COL5A1: variants seen among roughly 807,000 people sequenced by gnomAD.
COL5A1 encodes collagen type V alpha 1 chain, also known as collagen alpha-1(V) chain.
In COL5A1, 16 loss-of-function variants were observed where a neutral mutation model predicts 263.7. The observed-to-expected ratio is 0.06, with a 90% CI of 0.04 to 0.09. The LOEUF is 0.09. Ranked by LOEUF, COL5A1 falls within the 10% of genes least tolerant of loss-of-function variation. The pLI, the probability that COL5A1 is intolerant of heterozygous loss-of-function variation, is 1.00. For missense variants in COL5A1, 2,036 were observed against 2,540.5 expected, an observed-to-expected ratio of 0.80 and a Z score of 4.27; for synonymous variants, 1,012 against 1,004.5, an observed-to-expected ratio of 1.01 and a Z score of -0.14.
At chr9:134,769,057 T>G (rs1836782982) in intron 25 of COL5A1, among the ~76,000 whole-genome samples, 2 of 152,226 alleles carry the variant, frequency 1.3e-5, no homozygotes, top group South Asian at 4.1e-4. Flanking sequence ...GTGAGCTGAT[T>G]TGCACCCACA....
At chr9:134,809,781 C>T (rs942119850) in intron 43 of COL5A1, among the ~76,000 whole-genome samples, 11 of 152,188 alleles carry the variant, frequency 7.2e-5, no homozygotes, top group African/African-American at 2.7e-4. Context: ...AGTGAAATTT[C>T]GCTGTGCTGT....
chr9:134,756,285 G>A (rs1185852198), intron 16 of COL5A1, among the ~76,000 whole-genome samples: 1 of 152,214 alleles, frequency 6.6e-6, no homozygotes, highest in East Asian at 1.9e-4. Context: ...CTCACTTGGG[G>A]CCTGGGCCTC....
intron 1 of COL5A1, among the ~76,000 whole-genome samples, chr9:134,687,095 C>T (rs1833104677): frequency 6.6e-6 from 1 of 152,152 alleles, no homozygotes; most frequent in East Asian, 1.9e-4. Flanking sequence ...GCCAATGCCG[C>T]CTGGTGCCCT....
At chr9:134,717,773 T>G (rs1489997183) in intron 4 of COL5A1, among the ~76,000 whole-genome samples, 1 of 152,208 alleles carries the variant, frequency 6.6e-6, no homozygotes, top group Admixed American at 6.5e-5. Context: ...CACGAAGTGC[T>G]CTGGCTAAAA....
At position 134,696,482 on chromosome 9, in the gene COL5A1, T is replaced by C. The variant is rs1158133067; in HGVS notation, c.278-3427T>C. 1.3e-5 allele frequency among the ~76,000 whole-genome samples: 2 copies of C among 152,052 alleles called. No individual in the cohort carries two copies. The highest frequency in any genetic ancestry group is 6.5e-5 in the Admixed American group (1 of 15,282). On this transcript the variant is annotated intron_variant, in intron 2 of 65. Coordinates refer to ENST00000371817, the MANE Select transcript of COL5A1 (RefSeq NM_000093.5). The surrounding 1 kb of genome is among the most constrained non-coding windows in gnomAD (Gnocchi z 4.3). Reference sequence around the variant, plus strand: ...ATGAACCACCTCGCCCAGCCTGCAATTATTTAACTAACTGGTTTGGTTTGA... The same window carrying C: ...ATGAACCACCTCGCCCAGCCTGCAACTATTTAACTAACTGGTTTGGTTTGA...
chr9:134,837,053 T>C (rs3128576), intron 65 of COL5A1, among the ~76,000 whole-genome samples: 111,915 of 152,174 alleles, frequency 0.74, 41,619 homozygotes, highest in African/African-American at 0.85. Flanking sequence ...CTGGGGAGCA[T>C]GTCAAACCAT....
At chr9:134,788,125 GATAC>G (rs1459884477) in intron 31 of COL5A1, among the ~76,000 whole-genome samples, 1 of 143,700 alleles carries the variant, frequency 7.0e-6, no homozygotes, top group Non-Finnish European at 1.5e-5. Flanking sequence ...AGGTGGGGTA[GATAC>G]ATAGATGGAT....
At chr9:134,759,393 A>G (rs1836140452) in intron 18 of COL5A1, among the ~76,000 whole-genome samples, 1 of 138,340 alleles carries the variant, frequency 7.2e-6, no homozygotes, top group Admixed American at 7.1e-5. Flanking sequence ...ATGCACACAT[A>G]CGCATACACA....
intron 6 of COL5A1, 109 bp from the exon 7 acceptor site, chr9:134,730,127 C>T (rs1834823528): frequency 6.6e-7 from 1 of 1,515,438 alleles, no homozygotes; most frequent in South Asian, 1.1e-5. Flanking sequence ...GGCCTGGGCT[C>T]CAGGCGTTGC....
At chr9:134,670,548 G>T (rs185572025) in intron 1 of COL5A1, among the ~76,000 whole-genome samples, 1 of 152,312 alleles carries the variant, frequency 6.6e-6, no homozygotes, top group Non-Finnish European at 1.5e-5. Flanking sequence ...TGGTGTGATT[G>T]TTTCCTGGGC....
rs539302076 is a variant in COL5A1 at position 134,725,106 on chromosome 9, G to A, written c.655-2160G>A. Among the ~76,000 whole-genome samples, 4 of 152,292 alleles carry A rather than the reference G, an allele frequency of 2.6e-5. No homozygotes were observed. The South Asian group carries it at 8.3e-4, about 32-fold the overall frequency. ...CCTGCGGCACCGTCTCTGGTGGCGG[G>A]ACCGGAGACGCCACCGTCTCCAGGA... On this transcript the variant is annotated intron_variant, in intron 4 of 65. Coordinates refer to ENST00000371817, the MANE Select transcript of COL5A1 (RefSeq NM_000093.5).
At chr9:134,703,036 C>T (rs773947480) in intron 4 of COL5A1, among the ~76,000 whole-genome samples, 1 of 152,176 alleles carries the variant, frequency 6.6e-6, no homozygotes, top group Non-Finnish European at 1.5e-5. Flanking sequence ...CAGTGCAGAC[C>T]GCAGAGGAAT....
At chr9:134,829,877 C>A in intron 63 of COL5A1, 99 bp from the exon 64 acceptor site, 1 of 1,341,590 alleles carries the variant, frequency 7.5e-7, no homozygotes, top group Non-Finnish European at 1.0e-6. Flanking sequence ...AGGATGCAGG[C>A]GCGGGGGCCG....
chr9:134,812,494 G>A lies in COL5A1; in HGVS notation c.3736G>A (p.Gly1246Ser). The change falls in exon 47 of 66, where the codon GGC (glycine) becomes AGC (serine). Residue 1246 changes from glycine (G) to serine (S), a missense_variant. By Grantham distance (56) the Gly-to-Ser change is moderately conservative. Around this residue, in one of 3 missense-constraint regions of COL5A1, gnomAD observed 1,078 missense variants for 1,521.4 expected, o/e 0.71. Transcript: ENST00000371817. Reference sequence around the variant, plus strand: ...CGAGAAGGGTGAGACAGGAGACGTGGGCCAGATGGTAAGTGTGCCTGAGAC... The same window carrying A: ...CGAGAAGGGTGAGACAGGAGACGTGAGCCAGATGGTAAGTGTGCCTGAGAC... ...PGEKGETGDV[G>S]QMGPPGPPGP... 6.2e-7 allele frequency: 1 copy of A among 1,614,138 alleles called. No homozygotes were observed. The highest frequency in any genetic ancestry group is 1.6e-4 in the Middle Eastern group (1 of 6,062).
chr9:134,784,369 G>A (rs1219218603), intron 29 of COL5A1, among the ~76,000 whole-genome samples: 2 of 152,248 alleles, frequency 1.3e-5, no homozygotes, highest in African/African-American at 4.8e-5. Flanking sequence ...AGGGCATTTA[G>A]AGACTCTGCC....
intron 1 of COL5A1, among the ~76,000 whole-genome samples, chr9:134,688,855 C>G (rs1326311586): frequency 6.6e-6 from 1 of 152,200 alleles, no homozygotes; most frequent in East Asian, 1.9e-4. Context: ...TGGAGCCTTC[C>G]AGAGAACTGT....
chr9:134,685,292 ACCAT>A (rs1832999809), intron 1 of COL5A1, among the ~76,000 whole-genome samples: 2 of 66,202 alleles, frequency 3.0e-5, no homozygotes, highest in Non-Finnish European at 6.7e-5. Flanking sequence ...CCATCCATCC[ACCAT>A]CCATCCATCC....
At chr9:134,738,426 C>G (rs762061167) in intron 9 of COL5A1, 48 bp from the exon 10 acceptor site, 1 of 1,611,150 alleles carries the variant, frequency 6.2e-7, no homozygotes, top group Non-Finnish European at 8.5e-7. Context: ...TCTGGGGTGT[C>G]GGGAGGGATG....
At chr9:134,659,062 G>C (rs1418865274) in intron 1 of COL5A1, among the ~76,000 whole-genome samples, 2 of 152,128 alleles carry the variant, frequency 1.3e-5, no homozygotes, top group Admixed American at 1.3e-4. Context: ...CAGGCTCAGA[G>C]GCCCTGCAGC....
Sources: gnomAD v4.1 joint callset for allele counts (sites outside exome capture counted in the v4.1 genomes callset) on GRCh38, gnomAD v4.1.1 for gene constraint, gnomAD v4.1.1 regional missense constraint, Gnocchi (gnomAD v3.1) non-coding constraint, MANE v1.5 for transcripts, NCBI Gene and HGNC (gene_info 2026-07-23, HGNC 2026-07-21) for gene names.